Variants in PIGS observed in about 807,000 individuals in gnomAD.
PIGS encodes the protein phosphatidylinositol glycan anchor biosynthesis class S.
In PIGS, 37 loss-of-function variants were observed where a neutral mutation model predicts 58.2. The observed-to-expected ratio is 0.64, with a 90% CI of 0.49 to 0.84. The LOEUF (loss-of-function observed/expected upper bound fraction) is 0.84, where lower values mean the gene tolerates loss of function less well. PIGS is among the 40% of genes least tolerant of loss of function. The pLI is 0.00. For missense variants in PIGS, 629 were observed against 710.8 expected (o/e 0.88, Z 1.31); for synonymous variants, 269 against 289.2 (o/e 0.93, Z 0.71).
rs553923963 is a variant in PIGS, at chr17:28,563,748, C to A, written c.376+70G>T. 1.1e-4 allele frequency: 167 copies of A among 1,472,404 alleles called. 1 individual carries two copies. In the South Asian group the frequency reaches 1.5e-3, roughly 13 times the overall value. 91.2% of individuals were successfully genotyped at this position (1,472,404 alleles called of 1,614,324 possible). A position where few individuals can be genotyped will look rare whatever the true frequency, so the allele number is the denominator to read the frequency against. On this transcript the variant is annotated intron_variant, in intron 4 of 11. Coordinates refer to ENST00000308360, the MANE Select transcript of PIGS (RefSeq NM_033198.4). ...TTGGAAGTAAGCCAAAGCATGGGAA[C>A]TATGCACTTAGAGATCAGAAGGAAA...
chr17:28,562,361 T>C lies in PIGS; in HGVS notation c.469-732A>G, dbSNP rs1021173221. 2.6e-5 allele frequency among the ~76,000 whole-genome samples: 4 copies of C among 152,178 alleles called. No individual in the cohort carries two copies. The East Asian group carries it at 7.7e-4, about 29-fold the overall frequency. On this transcript the variant is annotated intron_variant, in intron 5 of 11. Coordinates refer to ENST00000308360, the MANE Select transcript of PIGS (RefSeq NM_033198.4). ...ACACACCGTGCTACTGCACTGCAGT[T>C]TGTGAGCTGGGGGTGGGGATGGGGA...
Position 28,563,838 on chromosome 17 carries a change from AG to A in PIGS, c.355del (p.Leu119CysfsTer13). Reference protein sequence around the residue: ...RRALDHEEEALSSGSVQEAEA... With the variant: ...RRALDHEEEAXSSGSVQEAEA... ...CATACCTTGCACACTGCCCGATGAC[AG>A]GGCCTCCTCCTCATGGTCCAAAGCC... On this transcript the variant is annotated frameshift_variant, in exon 4 of 12. Transcript: ENST00000308360. LOFTEE classifies it high-confidence loss of function. 2.5e-6 allele frequency: 4 copies of A among 1,613,988 alleles called. No homozygotes were observed. The highest frequency in any genetic ancestry group is 3.4e-6 in the Non-Finnish European group (4 of 1,179,838).
intron 3 of PIGS, among the ~76,000 whole-genome samples, chr17:28,567,648 T>A (rs529541776): frequency 6.6e-6 from 1 of 152,228 alleles, no homozygotes; most frequent in Non-Finnish European, 1.5e-5. Context: ...ATGGTAGTCA[T>A]GTTTAAAAAA....
At chr17:28,567,884 C>T (rs935469522) in intron 3 of PIGS, among the ~76,000 whole-genome samples, 2 of 152,218 alleles carry the variant, frequency 1.3e-5, no homozygotes, top group African/African-American at 4.8e-5. Context: ...GGACCTTAGA[C>T]ATGCTTTTCC....
At position 28,571,489 on chromosome 17, in the gene PIGS, G is replaced by A. The variant is rs1395808986; in HGVS notation, c.8C>T (p.Ala3Val). Residue 3 changes from alanine to valine, a missense_variant, in exon 1 of 12, where the codon GCC becomes GTC. Physicochemically the swap from Ala to Val is moderately conservative, Grantham distance 64 (BLOSUM62 0). Coordinates refer to ENST00000308360, the MANE Select transcript of PIGS (RefSeq NM_033198.4). ...TAGGTGTGTAGCCGCAGCCCCGGCG[G>A]CCGCCATGCTAGCTTCCGGCTGCTC... is the stretch of plus-strand genomic sequence containing the variant. MAAAGAAATHLEV... is the reference protein window; with the variant it reads MAVAGAAATHLEV... 8 of 1,607,678 alleles carry A rather than the reference G, an allele frequency of 5.0e-6. No individual in the cohort carries two copies. The Admixed American group carries it at 5.0e-5, about 10-fold the overall frequency.
chr17:28,557,259 T>G, intron 8 of PIGS: 1 of 381,528 alleles, frequency 2.6e-6, no homozygotes, highest in Non-Finnish European at 4.7e-6. Flanking sequence ...TCCCACAATG[T>G]ACCCATATTA....
chr17:28,571,416 C>T (rs2070429012), intron 1 of PIGS, 47 bp downstream of exon 1: 1 of 1,602,986 alleles, frequency 6.2e-7, no homozygotes, highest in African/African-American at 1.3e-5. Flanking sequence ...GCTATTCCTC[C>T]CTTGCCATCA....
At chr17:28,569,475 A>G (rs1231713371) in intron 3 of PIGS, among the ~76,000 whole-genome samples, 1 of 131,976 alleles carries the variant, frequency 7.6e-6, no homozygotes, top group Non-Finnish European at 1.6e-5. Flanking sequence ...ACCCTTTCTC[A>G]AAAAAAAAAA....
chr17:28,565,725 C>G lies in PIGS; in HGVS notation c.287-1818G>C, dbSNP rs948727967. On this transcript the variant is annotated intron_variant, in intron 3 of 11. Coordinates refer to ENST00000308360, the MANE Select transcript of PIGS (RefSeq NM_033198.4). Reference sequence around the variant, plus strand: ...GGAACACAGTGAGACCCCGTCTCTACAAAAAATTTAAAAACTAGCTGGGGC... The same window carrying G: ...GGAACACAGTGAGACCCCGTCTCTAGAAAAAATTTAAAAACTAGCTGGGGC... Among the ~76,000 whole-genome samples, 13 of 152,160 alleles carry G rather than the reference C, an allele frequency of 8.5e-5. No individual in the cohort carries two copies. The East Asian group carries it at 9.6e-4, about 11-fold the overall frequency.
chr17:28,557,487 T>A (rs1333125761), intron 8 of PIGS: 1 of 159,338 alleles, frequency 6.3e-6, no homozygotes, highest in Non-Finnish European at 1.4e-5. Context: ...GCCTAAGCTC[T>A]CTCACTTGTC....
Position 28,563,973 on chromosome 17 carries a change from C to G in PIGS, c.287-66G>C. 8.0e-6 allele frequency: 11 copies of G among 1,374,354 alleles called. No individual in the cohort carries two copies. The South Asian group carries it at 1.3e-4, about 16-fold the overall frequency. 85.1% of individuals were successfully genotyped at this position (1,374,354 alleles called of 1,614,324 possible). A position where few individuals can be genotyped will look rare whatever the true frequency, so the allele number is the denominator to read the frequency against. ...TCATGCCTCTGCCCACCTTCCCAGA[C>G]CTAACACTGTCCAGCATCTGAGGAC... On this transcript the variant is annotated intron_variant, in intron 3 of 11. Transcript: ENST00000308360.
chr17:28,567,923 T>C (rs1345417273), intron 3 of PIGS, among the ~76,000 whole-genome samples: 1 of 152,202 alleles, frequency 6.6e-6, no homozygotes, highest in Non-Finnish European at 1.5e-5. Flanking sequence ...CCCCCAGATA[T>C]CTGCACAGTC....
intron 7 of PIGS, 130 bp downstream of exon 7, chr17:28,559,919 G>A: frequency 8.3e-7 from 1 of 1,207,584 alleles, no homozygotes; most frequent in Non-Finnish European, 1.1e-6. Flanking sequence ...CCACCCTTAT[G>A]ACACTCACAT....
chr17:28,563,571 TC>T (rs755955299), intron 4 of PIGS, 49 bp from the exon 5 acceptor site: 6 of 1,538,174 alleles, frequency 3.9e-6, no homozygotes, highest in African/African-American at 2.7e-5. Flanking sequence ...CCATTCCATC[TC>T]CCCCCAGCCC....
chr17:28,571,042 G>A lies in PIGS; in HGVS notation c.174+7C>T. 6.2e-7 allele frequency: 1 copy of A among 1,614,186 alleles called. No individual in the cohort carries two copies. Among genetic ancestry groups the A allele is most frequent in the South Asian group, 1.1e-5 (1 of 91,086 alleles). Reference sequence around the variant, plus strand: ...TGTCCCCCGACCCTCCCGCACAGCAGTCTCACCTGAAGGGCATTCAGGCCA... The same window carrying A: ...TGTCCCCCGACCCTCCCGCACAGCAATCTCACCTGAAGGGCATTCAGGCCA... On this transcript the variant is annotated splice_region_variant and intron_variant, in intron 2 of 11. Coordinates refer to ENST00000308360, the MANE Select transcript of PIGS (RefSeq NM_033198.4).
intron 9 of PIGS, chr17:28,556,548 CT>C: frequency 1.4e-6 from 1 of 716,974 alleles, no homozygotes; most frequent in Non-Finnish European, 2.5e-6. Context: ...GGCTCCCAAC[CT>C]TGCAAGACTC....
chr17:28,555,126 T>C, intron 10 of PIGS, 65 bp from the exon 11 acceptor site: 1 of 1,398,528 alleles, frequency 7.2e-7, no homozygotes, highest in Non-Finnish European at 9.9e-7. Context: ...ATGGCTAAGA[T>C]TTCTCAAATA....
Position 28,554,974 on chromosome 17 carries a change from T to C in PIGS, c.1269A>G (p.Leu423=), listed in dbSNP as rs368504220. The part of the protein sequence containing the change: ...PTSEGLMTWE[L]DRLLWARSVE... ...CTGACCGAGCCCAGAGCAGCCGGTCTAGCTCCCAGGTCATTAGCCCTTCAC... is the reference window on the plus strand; with the variant it reads ...CTGACCGAGCCCAGAGCAGCCGGTCCAGCTCCCAGGTCATTAGCCCTTCAC... Residue 423 remains leucine (L), a synonymous_variant, in exon 11 of 12, where the codon CTA becomes CTG. Coordinates refer to ENST00000308360, the MANE Select transcript of PIGS (RefSeq NM_033198.4). 1 of 1,611,756 alleles carries C rather than the reference T, an allele frequency of 6.2e-7. No homozygotes were observed. Among genetic ancestry groups the C allele is most frequent in the East Asian group, 2.2e-5 (1 of 44,864 alleles).
chr17:28,554,147 T>G lies in PIGS; in HGVS notation c.*73A>C, dbSNP rs1470621890. 1.9e-6 allele frequency: 3 copies of G among 1,554,256 alleles called. No individual in the cohort carries two copies. The South Asian group carries it at 3.6e-5, about 19-fold the overall frequency. ...ATTTAAGTCATTCCGGCAGGCCCCA[T>G]GTACGTGCCTCACAATCTAACACCG... On this transcript the variant is annotated 3_prime_UTR_variant, in exon 12 of 12. Transcript: ENST00000308360.
Sources: gnomAD v4.1 joint callset for allele counts (sites outside exome capture counted in the v4.1 genomes callset) on GRCh38, gnomAD v4.1.1 for gene constraint, MANE v1.5 for transcripts, NCBI Gene and HGNC (gene_info 2026-07-23, HGNC 2026-07-21) for gene names.